NEK10: variants seen among roughly 807,000 people sequenced by gnomAD.
NEK10 encodes the protein NIMA related kinase 10.
A neutral mutation model predicts 159.8 loss-of-function variants in NEK10; 122 were observed. The ratio of observed to expected loss-of-function variants is 0.76; its 90% CI spans 0.66 to 0.89. The LOEUF (loss-of-function observed/expected upper bound fraction) is 0.89. NEK10 is among the 40% of genes least tolerant of loss of function. NEK10 has a pLI of 0.00. For missense variants in NEK10, 1,342 were observed against 1,323.1 expected, an observed-to-expected ratio of 1.01 and a Z score of -0.22; for synonymous variants, 466 against 457.1, an observed-to-expected ratio of 1.02 and a Z score of -0.25.
intron 3 of NEK10, among the ~76,000 whole-genome samples, chr3:27,347,236 C>T (rs2047620122): frequency 6.6e-6 from 1 of 152,016 alleles, no homozygotes; most frequent in Non-Finnish European, 1.5e-5. Context: ...CATTTTCAGC[C>T]AGGCGTAGTG....
intron 23 of NEK10, among the ~76,000 whole-genome samples, chr3:27,204,312 T>TTG (rs1575231889): frequency 7.4e-6 from 1 of 135,480 alleles, no homozygotes; most frequent in Non-Finnish European, 1.6e-5. Context: ...TTTTTTTTTT[T>TTG]TTTTTTTTTA....
intron 29 of NEK10, among the ~76,000 whole-genome samples, chr3:27,168,388 T>A (rs945547698): frequency 3.9e-5 from 6 of 152,158 alleles, no homozygotes; most frequent in Non-Finnish European, 7.4e-5. Context: ...GCAGGATGGG[T>A]TCACATTTCA....
chr3:27,327,097 G>C (rs776456842), intron 5 of NEK10, among the ~76,000 whole-genome samples: 1 of 152,132 alleles, frequency 6.6e-6, no homozygotes, highest in African/African-American at 2.4e-5. Flanking sequence ...GAGGAGCTGA[G>C]TGTCTGGCCC....
At chr3:27,184,869 G>A (rs1948465950) in intron 26 of NEK10, among the ~76,000 whole-genome samples, 1 of 152,124 alleles carries the variant, frequency 6.6e-6, no homozygotes, top group Admixed American at 6.5e-5. Context: ...GCAGACACAT[G>A]ACTTTAGTGG....
intron 22 of NEK10, among the ~76,000 whole-genome samples, chr3:27,275,652 A>G (rs1047337583): frequency 2.0e-5 from 3 of 152,190 alleles, no homozygotes; most frequent in African/African-American, 7.2e-5. Flanking sequence ...TCCATCATAT[A>G]TGTATTTGAC....
At chr3:27,135,353 T>C (rs1264348677) in intron 31 of NEK10, among the ~76,000 whole-genome samples, 2 of 152,232 alleles carry the variant, frequency 1.3e-5, no homozygotes, top group Non-Finnish European at 2.9e-5. Context: ...AGAAAGTGAC[T>C]CTTAAAAAGA....
At chr3:27,188,892 G>T (rs1245983417) in intron 26 of NEK10, among the ~76,000 whole-genome samples, 1 of 152,056 alleles carries the variant, frequency 6.6e-6, no homozygotes, top group Non-Finnish European at 1.5e-5. Flanking sequence ...GTCTTTAATT[G>T]ATTTTTCTGC....
intron 1 of NEK10, among the ~76,000 whole-genome samples, chr3:27,368,153 C>T (rs1381560985): frequency 6.6e-6 from 1 of 151,952 alleles, no homozygotes; most frequent in African/African-American, 2.4e-5. Context: ...ATTAGCCAGG[C>T]GTAGTGGCTC....
At chr3:27,323,351 C>A (rs2045783769) in intron 5 of NEK10, among the ~76,000 whole-genome samples, 1 of 152,200 alleles carries the variant, frequency 6.6e-6, no homozygotes, top group African/African-American at 2.4e-5. Context: ...CAGACACTCC[C>A]ACTGGCTCTC....
intron 30 of NEK10, among the ~76,000 whole-genome samples, chr3:27,151,965 T>C (rs1051372239): frequency 6.6e-6 from 1 of 152,060 alleles, no homozygotes; most frequent in Non-Finnish European, 1.5e-5. Flanking sequence ...CAAGAAAATA[T>C]GAACAAAGCC....
At chr3:27,284,557 AT>A in intron 22 of NEK10, 44 bp downstream of exon 22, 1 of 1,064,682 alleles carries the variant, frequency 9.4e-7, no homozygotes, top group Non-Finnish European at 1.5e-6. Flanking sequence ...CTAGGATAGT[AT>A]TCAGGAATTC....
chr3:27,201,543 A>G lies in NEK10; in HGVS notation c.2258T>C (p.Ile753Thr). 2 of 1,614,078 alleles carry G rather than the reference A, an allele frequency of 1.2e-6. No individual in the cohort carries two copies. Among genetic ancestry groups the G allele is most frequent in the Non-Finnish European group, 1.7e-6 (2 of 1,179,940 alleles). The change falls in exon 25 of 36, where the codon ATC becomes ACC. Residue 753 changes from isoleucine (I) to threonine (T), a missense_variant. Ile to Thr is a moderately conservative substitution (Grantham distance 89, BLOSUM62 -1). Coordinates refer to ENST00000691995, the MANE Select transcript of NEK10 (RefSeq NM_001394966.1). ...GGTGTCTGTTACTTTTTCAGAGTAG[A>G]TACCTTCTGGGACTGGTTCATATAC... is the stretch of plus-strand genomic sequence containing the variant. ...EAVYEPVPEGIYSEKVTDTIS... is the reference protein window; with the variant it reads ...EAVYEPVPEGTYSEKVTDTIS...
chr3:27,260,341 A>G (rs1396864819), intron 22 of NEK10, among the ~76,000 whole-genome samples: 1 of 152,126 alleles, frequency 6.6e-6, no homozygotes, highest in Non-Finnish European at 1.5e-5. Context: ...ATTCAGTATG[A>G]TATTGCCTGT....
intron 5 of NEK10, among the ~76,000 whole-genome samples, chr3:27,324,964 C>A (rs1270351159): frequency 6.6e-6 from 1 of 152,134 alleles, no homozygotes; most frequent in Non-Finnish European, 1.5e-5. Flanking sequence ...CCCATGAAAG[C>A]CTTTTGTGGC....
rs551980530 is a variant in NEK10 at position 27,106,578 on chromosome 3, G to A, written c.*4694C>T. On this transcript the variant is annotated 3_prime_UTR_variant, in exon 36 of 36. Transcript: ENST00000691995. Reference sequence around the variant, plus strand: ...ACTCAAATGGCACTTGAAATGCAGAGCTAAATCATGGGTTAAGAATATCAT... The same window carrying A: ...ACTCAAATGGCACTTGAAATGCAGAACTAAATCATGGGTTAAGAATATCAT... 6.6e-6 allele frequency among the ~76,000 whole-genome samples: 1 copy of A among 152,294 alleles called. No individual in the cohort carries two copies. Among genetic ancestry groups the A allele is most frequent in the South Asian group, 2.1e-4 (1 of 4,832 alleles).
chr3:27,108,936 A>G lies in NEK10; in HGVS notation c.*2336T>C, dbSNP rs1409997890. 6.6e-6 allele frequency among the ~76,000 whole-genome samples: 1 copy of G among 152,232 alleles called. No homozygotes were observed. The highest frequency in any genetic ancestry group is 1.5e-5 in the Non-Finnish European group (1 of 68,042). On this transcript the variant is annotated 3_prime_UTR_variant, in exon 36 of 36. Transcript: ENST00000691995. ...TTGTGGTAGTTTAGGGAGAATTCAA[A>G]TAGAGCATATTCATACTTTTAGCAA...
intron 23 of NEK10, among the ~76,000 whole-genome samples, chr3:27,245,578 C>T (rs966528442): frequency 6.6e-6 from 1 of 152,168 alleles, no homozygotes; most frequent in Non-Finnish European, 1.5e-5. Context: ...ACTGCCCAGC[C>T]AAGCCAATAA....
rs575360395 is a variant in NEK10 at position 27,334,115 on chromosome 3, C to A, written c.362+10157G>T. ...ATACAGTCCAAGGGCCAGGGGATTG[C>A]CCAGCCTAGTCTACCACCACTGGCA... On this transcript the variant is annotated intron_variant, in intron 5 of 35. Coordinates refer to ENST00000691995, the MANE Select transcript of NEK10 (RefSeq NM_001394966.1). 9.2e-5 allele frequency among the ~76,000 whole-genome samples: 14 copies of A among 152,288 alleles called. 1 individual carries two copies. The South Asian group carries it at 2.7e-3, about 29-fold the overall frequency.
chr3:27,220,461 C>T (rs111936883), intron 23 of NEK10, among the ~76,000 whole-genome samples: 2,346 of 152,222 alleles, frequency 0.015, 36 homozygotes, highest in Non-Finnish European at 0.021. Context: ...AGACATTTGT[C>T]ATTACACTGG....
Sources: gnomAD v4.1 joint callset for allele counts (sites outside exome capture counted in the v4.1 genomes callset) on GRCh38, gnomAD v4.1.1 for gene constraint, MANE v1.5 for transcripts, NCBI Gene and HGNC (gene_info 2026-07-23, HGNC 2026-07-21) for gene names.